LTBP2: variants seen among roughly 807,000 people sequenced by gnomAD.
LTBP2 encodes latent-transforming growth factor beta-binding protein 2.
Under a neutral mutation model 210.6 loss-of-function variants are expected in LTBP2, and 103 were observed. The observed-to-expected ratio is 0.49, with a 90% CI of 0.42 to 0.58. LTBP2 has a LOEUF of 0.58. Ranked by LOEUF, LTBP2 falls within the 20% of genes least tolerant of loss-of-function variation. LTBP2 has a pLI of 0.00. For synonymous variants in LTBP2, 1,007 were observed against 1,015.0 expected (o/e 0.99, Z 0.15); for missense variants, 2,313 against 2,494.5 (o/e 0.93, Z 1.55).
In LTBP2 at chr14:74,610,347, T is replaced by G. The variant is rs770206174; in HGVS notation, c.494+1104A>C. ...GACAGAGCTCAATCCTGCTGAAATA[T>G]GAGAAGAGCGCTCCAGCCAAGGAAA... On this transcript the variant is annotated intron_variant, in intron 1 of 35. Coordinates refer to ENST00000261978, the MANE Select transcript of LTBP2 (RefSeq NM_000428.3). 5.8e-4 allele frequency among the ~76,000 whole-genome samples: 88 copies of G among 152,308 alleles called. 1 individual carries two copies. The highest frequency in any genetic ancestry group is 9.6e-4 in the Non-Finnish European group (65 of 68,014).
chr14:74,509,497 AC>A (rs2087040958), intron 21 of LTBP2, 134 bp from the exon 22 acceptor site: 53 of 1,342,006 alleles, frequency 3.9e-5, no homozygotes, highest in Non-Finnish European at 5.5e-5. Context: ...CGCTCCCAGG[AC>A]AGCCCTGCCC....
chr14:74,503,873 C>CCATT, intron 31 of LTBP2, 53 bp downstream of exon 31: 1 of 1,609,744 alleles, frequency 6.2e-7, no homozygotes. Context: ...GCTGGGTGGG[C>CCATT]CATTATTCAG....
intron 2 of LTBP2, among the ~76,000 whole-genome samples, chr14:74,595,393 G>C (rs1452238497): frequency 6.6e-6 from 1 of 152,214 alleles, no homozygotes; most frequent in Non-Finnish European, 1.5e-5. Context: ...CTCCTCTCCA[G>C]CTGCTGCCCC....
rs138739991 is a variant in LTBP2 at position 74,610,013 on chromosome 14, C to A, written c.494+1438G>T. Reference sequence around the variant, plus strand: ...ACTTGGCAGTGCATGGGTCTACTCTCTGCCTGCTTGAAGCTGGGCCTTCCA... The same window carrying A: ...ACTTGGCAGTGCATGGGTCTACTCTATGCCTGCTTGAAGCTGGGCCTTCCA... On this transcript the variant is annotated intron_variant, in intron 1 of 35. Coordinates refer to ENST00000261978, the MANE Select transcript of LTBP2 (RefSeq NM_000428.3). 7.6e-4 allele frequency among the ~76,000 whole-genome samples: 116 copies of A among 152,328 alleles called. 1 individual carries two copies. In the East Asian group the frequency reaches 0.019, roughly 25 times the overall value.
At chr14:74,549,217 C>T (rs889069791) in intron 8 of LTBP2, among the ~76,000 whole-genome samples, 1 of 152,250 alleles carries the variant, frequency 6.6e-6, no homozygotes, top group Non-Finnish European at 1.5e-5. Flanking sequence ...CCCAATTGTG[C>T]AACTAAGACT....
intron 3 of LTBP2, among the ~76,000 whole-genome samples, chr14:74,561,085 G>A (rs868167389): frequency 6.6e-6 from 1 of 152,306 alleles, no homozygotes; most frequent in African/African-American, 2.4e-5. Flanking sequence ...TTGGGAGGCT[G>A]AGGCAGGCAG....
chr14:74,582,053 C>T (rs140667924), intron 3 of LTBP2, among the ~76,000 whole-genome samples: 17 of 146,130 alleles, frequency 1.2e-4, no homozygotes, highest in African/African-American at 4.3e-4. Context: ...GAGTTTCACT[C>T]TTGTCACCCC....
chr14:74,551,301 C>T lies in LTBP2; in HGVS notation c.1449G>A (p.Glu483=). ...CCACCTGGTGGATCTGCACTGAGGC[C>T]TCGGGTGGGTGGTGAATGTGCACCT... ...LVKVHIHHPP[E]ASVQIHQVAQ... The change falls in exon 7 of 36, where the codon GAG becomes GAA. Residue 483 remains glutamate, a synonymous_variant. Transcript: ENST00000261978. 1.3e-6 allele frequency: 2 copies of T among 1,598,756 alleles called. No homozygotes were observed. The highest frequency in any genetic ancestry group is 1.1e-5 in the South Asian group (1 of 89,294).
intron 17 of LTBP2, among the ~76,000 whole-genome samples, chr14:74,519,060 C>T (rs1216056611): frequency 6.6e-6 from 1 of 152,162 alleles, no homozygotes; most frequent in African/African-American, 2.4e-5. Flanking sequence ...TGAAGATGGA[C>T]TCCAGATGAA....
At chr14:74,505,780 G>A (rs1242681884) in intron 28 of LTBP2, among the ~76,000 whole-genome samples, 1 of 152,156 alleles carries the variant, frequency 6.6e-6, no homozygotes, top group Non-Finnish European at 1.5e-5. Context: ...GGCTCAATCT[G>A]CGGTCCCTGG....
At position 74,504,024 on chromosome 14, in the gene LTBP2, C is replaced by G. The variant is rs1456873726; in HGVS notation, c.4484G>C (p.Gly1495Ala). 2.5e-6 allele frequency: 4 copies of G among 1,613,934 alleles called. No homozygotes were observed. In the African/African-American group the frequency reaches 5.3e-5, roughly 22 times the overall value. The change falls in exon 31 of 36, where the codon GGT becomes GCT. Residue 1495 changes from glycine to alanine, a missense_variant. By Grantham distance (60) the Gly-to-Ala change is moderately conservative (BLOSUM62 0). Coordinates refer to ENST00000261978, the MANE Select transcript of LTBP2 (RefSeq NM_000428.3). Reference protein sequence around the residue: ...DADECVIFGPGLCPNGRCLNT... With the variant: ...DADECVIFGPALCPNGRCLNT... ...GAGGCACCGGCCGTTCGGGCAGAGACCAGGCCCGAATATCACACACTCATC... is the reference window on the plus strand; with the variant it reads ...GAGGCACCGGCCGTTCGGGCAGAGAGCAGGCCCGAATATCACACACTCATC...
At chr14:74,531,763 T>A (rs1454217456) in intron 10 of LTBP2, among the ~76,000 whole-genome samples, 5 of 152,202 alleles carry the variant, frequency 3.3e-5, no homozygotes. Flanking sequence ...TGGTCAGGCC[T>A]CCCGGCCCAG....
In LTBP2 at chr14:74,581,314, G is replaced by T. The variant is rs1276864095; in HGVS notation, c.830+4540C>A. 5.9e-5 allele frequency among the ~76,000 whole-genome samples: 9 copies of T among 152,132 alleles called. 1 individual carries two copies. The highest frequency in any genetic ancestry group is 1.3e-4 in the Non-Finnish European group (9 of 68,028). ...TATTAAATAGCAAAAGGAAATTAGG[G>T]TTACCGATGGAGTTAAGGTTGCTAA... is the stretch of plus-strand genomic sequence containing the variant. On this transcript the variant is annotated intron_variant, in intron 3 of 35. Transcript: ENST00000261978.
In LTBP2 at chr14:74,580,360, T is replaced by C. The variant is rs564891502; in HGVS notation, c.830+5494A>G. 1.2e-4 allele frequency among the ~76,000 whole-genome samples: 18 copies of C among 152,328 alleles called. No individual in the cohort carries two copies. In the South Asian group the frequency reaches 3.5e-3, roughly 30 times the overall value. Reference sequence around the variant, plus strand: ...TTGTTAGGTTTAGATGACTTCACACTGGATTAGGGAGGACCCTAAATCCAA... The same window carrying C: ...TTGTTAGGTTTAGATGACTTCACACCGGATTAGGGAGGACCCTAAATCCAA... On this transcript the variant is annotated intron_variant, in intron 3 of 35. Transcript: ENST00000261978.
rs751397943 is a variant in LTBP2, at chr14:74,509,771, G to A, written c.3240C>T (p.Asn1080=). 4.8e-5 allele frequency: 77 copies of A among 1,613,850 alleles called. No individual in the cohort carries two copies. Among genetic ancestry groups the A allele is most frequent in the Non-Finnish European group, 5.3e-5 (63 of 1,179,994 alleles). The change falls in exon 21 of 36, where the codon AAC becomes AAT. Residue 1080 remains asparagine (N), a synonymous_variant. Transcript: ENST00000261978. ...EGSFACSACE[N]GYWVNEDGTA... is the part of the protein sequence containing the mutation. ...TGCCGTCTTCATTCACCCAGTACCCGTTCTCACAGGCAGAGCAGGCGAAGG... is the reference window on the plus strand; with the variant it reads ...TGCCGTCTTCATTCACCCAGTACCCATTCTCACAGGCAGAGCAGGCGAAGG...
intron 8 of LTBP2, among the ~76,000 whole-genome samples, chr14:74,545,948 T>C (rs1035290908): frequency 1.3e-5 from 2 of 152,242 alleles, no homozygotes; most frequent in Non-Finnish European, 2.9e-5. Context: ...TGTGGCATTC[T>C]GGAACAAAAG....
In LTBP2 at chr14:74,611,031, C is replaced by T. The variant is rs377731680; in HGVS notation, c.494+420G>A. On this transcript the variant is annotated intron_variant, in intron 1 of 35. Transcript: ENST00000261978. ...TGGGGCCCCCGACACCTCCGCCAAC[C>T]CGCGCTCTGAGCCAGCTCAACCTCC... Among the ~76,000 whole-genome samples the T allele has an allele frequency of 2.1e-3, 314 of 152,328 alleles. 3 individuals carry two copies. Among genetic ancestry groups the T allele is most frequent in the African/African-American group, 7.2e-3 (299 of 41,588 alleles).
At position 74,591,432 on chromosome 14, in the gene LTBP2, G is replaced by T. The variant is rs79842967; in HGVS notation, c.566-5314C>A. 7.8e-3 allele frequency among the ~76,000 whole-genome samples: 1,183 copies of T among 152,288 alleles called. 21 individuals are homozygous for T. The highest frequency in any genetic ancestry group is 0.027 in the African/African-American group (1,130 of 41,556). Reference sequence around the variant, plus strand: ...TTCCAAACCAGCCAGACGTGTTGGTGGGAAAAATCCCCTCAGGAAGGTAAC... The same window carrying T: ...TTCCAAACCAGCCAGACGTGTTGGTTGGAAAAATCCCCTCAGGAAGGTAAC... On this transcript the variant is annotated intron_variant, in intron 2 of 35. Transcript: ENST00000261978.
chr14:74,533,834 G>A (rs543735043), intron 9 of LTBP2, among the ~76,000 whole-genome samples: 35 of 152,216 alleles, frequency 2.3e-4, no homozygotes, highest in Non-Finnish European at 5.0e-4. Context: ...TAAGATATGA[G>A]GAGTCGGGGG....
Sources: gnomAD v4.1 joint callset for allele counts (sites outside exome capture counted in the v4.1 genomes callset) on GRCh38, gnomAD v4.1.1 for gene constraint, MANE v1.5 for transcripts, NCBI Gene and HGNC (gene_info 2026-07-23, HGNC 2026-07-21) for gene names.